The following GALNT2 variants were observed in gnomAD, a reference collection of about 807,000 sequenced individuals.
GALNT2 encodes UDP-GalNAc:polypeptide N-acetylgalactosaminyltransferase 2.
Under a neutral mutation model 81.4 loss-of-function variants are expected in GALNT2, and 31 were observed. That is an observed-to-expected ratio of 0.38 (90% confidence interval 0.29 to 0.51). The LOEUF (loss-of-function observed/expected upper bound fraction) is 0.51, where lower values mean the gene tolerates loss of function less well. Among genes scored for constraint, GALNT2 ranks in the 20% least tolerant of loss-of-function variants. The pLI is 0.87. For missense variants in GALNT2, 629 were observed against 765.7 expected (o/e 0.82, Z 2.11); for synonymous variants, 303 against 287.4 (o/e 1.05, Z -0.55).
chr1:230,068,681 A>G (rs1324159436), intron 1 of GALNT2, among the ~76,000 whole-genome samples: 1 of 152,154 alleles, frequency 6.6e-6, no homozygotes, highest in Non-Finnish European at 1.5e-5. Flanking sequence ...ATTCATTCAT[A>G]GCCGAAGATG....
intron 10 of GALNT2, among the ~76,000 whole-genome samples, chr1:230,253,712 A>G (rs12565801): frequency 0.073 from 11,098 of 152,186 alleles, 999 homozygotes; most frequent in East Asian, 0.37. Context: ...CCTCCTGGTT[A>G]TTTGAAACTC....
chr1:230,166,619 T>C (rs766738521), intron 1 of GALNT2, among the ~76,000 whole-genome samples: 12 of 152,252 alleles, frequency 7.9e-5, no homozygotes, highest in Non-Finnish European at 1.8e-4. Flanking sequence ...GCCTTCTTGC[T>C]GTGACCAGTG....
Position 230,243,671 on chromosome 1 carries a change from G to A in GALNT2, c.729+244G>A, listed in dbSNP as rs772906850. On this transcript the variant is annotated intron_variant, in intron 7 of 15. Transcript: ENST00000366672. This position sits in a 1 kb window ranked among gnomAD's most constrained non-coding sequence, Gnocchi z 4.2. ...AACCATCCGTTGACAGGTAGGAGGCGAGGATCAGCAGAGGCTGGTGAGAGC... is the reference window on the plus strand; with the variant it reads ...AACCATCCGTTGACAGGTAGGAGGCAAGGATCAGCAGAGGCTGGTGAGAGC... 4.6e-5 allele frequency among the ~76,000 whole-genome samples: 7 copies of A among 152,232 alleles called. No homozygotes were observed. Among genetic ancestry groups the A allele is most frequent in the Admixed American group, 6.5e-5 (1 of 15,282 alleles).
At chr1:230,167,715 G>A (rs780794933) in intron 1 of GALNT2, among the ~76,000 whole-genome samples, 24 of 152,270 alleles carry the variant, frequency 1.6e-4, no homozygotes, top group Non-Finnish European at 2.8e-4. Context: ...AGGAAGGGGC[G>A]GTGGAGCAGC....
intron 14 of GALNT2, among the ~76,000 whole-genome samples, chr1:230,266,330 T>C (rs1238219313): frequency 6.6e-6 from 1 of 152,160 alleles, no homozygotes; most frequent in Non-Finnish European, 1.5e-5. Context: ...CATGAGATAA[T>C]AATAGGAATT....
rs371931492 is a variant in GALNT2, at chr1:230,279,990, G to A, written c.*532G>A. 1.3e-5 allele frequency: 6 copies of A among 456,050 alleles called. No individual in the cohort carries two copies. Among genetic ancestry groups the A allele is most frequent in the African/African-American group, 6.0e-5 (3 of 50,072 alleles). The allele number at this position is 456,050 out of a possible 1,614,324, so 28.3% of individuals were successfully genotyped here. On this transcript the variant is annotated 3_prime_UTR_variant, in exon 16 of 16. Coordinates refer to ENST00000366672, the MANE Select transcript of GALNT2 (RefSeq NM_004481.5). This position sits in a 1 kb window ranked among gnomAD's most constrained non-coding sequence, Gnocchi z 4.6. The stretch of plus-strand genomic sequence containing the variant: ...CCTCCATTCGCAAGTGTCTTCCTGG[G>A]CCAGACTCCCCTCCACCTCATGTAC...
intron 1 of GALNT2, among the ~76,000 whole-genome samples, chr1:230,102,610 C>A (rs997050766): frequency 4.6e-5 from 7 of 151,948 alleles, no homozygotes; most frequent in African/African-American, 1.5e-4. Flanking sequence ...GGAAATTGTT[C>A]ATTGATTTGA....
At chr1:230,072,098 A>G in intron 1 of GALNT2, among the ~76,000 whole-genome samples, 1 of 151,952 alleles carries the variant, frequency 6.6e-6, no homozygotes. Context: ...TCCTGTTTGG[A>G]TGAATGATGG....
intron 3 of GALNT2, among the ~76,000 whole-genome samples, chr1:230,210,535 C>T (rs1323708180): frequency 6.6e-6 from 1 of 152,232 alleles, no homozygotes; most frequent in Non-Finnish European, 1.5e-5. Context: ...CATTTCCCTA[C>T]AAAGGAACCT....
At chr1:230,206,631 T>C (rs184009752) in intron 3 of GALNT2, among the ~76,000 whole-genome samples, 5 of 152,370 alleles carry the variant, frequency 3.3e-5, no homozygotes, top group South Asian at 4.1e-4. Context: ...TTGACCTTTC[T>C]GTATAAAATG....
In GALNT2 at chr1:230,201,813, G is replaced by A. The variant is rs575381373; in HGVS notation, c.221-1324G>A. ...TTGCACTGCGGTGCCCTATTCTCCC[G>A]GAGAGTTGCATGCCCACACCCTGCC... On this transcript the variant is annotated intron_variant, in intron 2 of 15. Transcript: ENST00000366672. 3.9e-5 allele frequency among the ~76,000 whole-genome samples: 6 copies of A among 152,224 alleles called. No individual in the cohort carries two copies. The South Asian group carries it at 6.2e-4, about 16-fold the overall frequency.
rs74143167 is a variant in GALNT2 at position 230,279,608 on chromosome 1, G to A, written c.*150G>A. The A allele has an allele frequency of 6.5e-4, 638 of 974,838 alleles. 6 individuals carry two copies. In the African/African-American group the frequency reaches 9.6e-3, roughly 15 times the overall value. The allele number at this position is 974,838 out of a possible 1,614,324, so 60.4% of individuals were successfully genotyped here. A position where few individuals can be genotyped will look rare whatever the true frequency, so the allele number is the denominator to read the frequency against. On this transcript the variant is annotated 3_prime_UTR_variant, in exon 16 of 16. Coordinates refer to ENST00000366672, the MANE Select transcript of GALNT2 (RefSeq NM_004481.5). This position sits in a 1 kb window ranked among gnomAD's most constrained non-coding sequence, Gnocchi z 4.6. ...TGAAAGTCAAACTTCGGCAAGGCAC[G>A]GACGACTGTGCAGACACAGCAGCGG...
intron 3 of GALNT2, among the ~76,000 whole-genome samples, chr1:230,208,073 ATCT>A (rs753047323): frequency 1.3e-5 from 2 of 152,352 alleles, no homozygotes; most frequent in East Asian, 3.9e-4. Context: ...TAAAAAAATA[ATCT>A]TCTTGCTTGG....
At chr1:230,060,609 A>G (rs998956037) in intron 1 of GALNT2, among the ~76,000 whole-genome samples, 5 of 152,004 alleles carry the variant, frequency 3.3e-5, no homozygotes, top group African/African-American at 7.3e-5. Flanking sequence ...AAGACCTTGT[A>G]AATCTCCTCC....
chr1:230,158,446 A>G (rs1407975289), intron 1 of GALNT2, among the ~76,000 whole-genome samples: 1 of 152,252 alleles, frequency 6.6e-6, no homozygotes, highest in African/African-American at 2.4e-5. Flanking sequence ...AAAGCTAAAC[A>G]TAGAAGTAAG....
At chr1:230,239,140 G>A (rs1047062975) in intron 6 of GALNT2, among the ~76,000 whole-genome samples, 3 of 151,860 alleles carry the variant, frequency 2.0e-5, no homozygotes, top group Non-Finnish European at 4.4e-5. Flanking sequence ...TTTACTGTTT[G>A]TCGGATTAGT....
chr1:230,221,466 T>TTTTGAA (rs1664544621), intron 3 of GALNT2, among the ~76,000 whole-genome samples: 1 of 152,240 alleles, frequency 6.6e-6, no homozygotes, highest in Non-Finnish European at 1.5e-5. Flanking sequence ...CTGCTTTATT[T>TTTTGAA]TAGGTTTTGA....
chr1:230,201,774 C>T (rs1009208741), intron 2 of GALNT2, among the ~76,000 whole-genome samples: 1 of 152,168 alleles, frequency 6.6e-6, no homozygotes, highest in African/African-American at 2.4e-5. Context: ...ATGCTCATGT[C>T]GACACTAGGA....
intron 1 of GALNT2, among the ~76,000 whole-genome samples, chr1:230,172,267 C>T (rs1274166809): frequency 1.3e-5 from 2 of 152,170 alleles, no homozygotes; most frequent in Non-Finnish European, 2.9e-5. Context: ...CTTGGGAGGA[C>T]ACTTAAGCAG....
Sources: gnomAD v4.1 joint callset for allele counts (sites outside exome capture counted in the v4.1 genomes callset) on GRCh38, gnomAD v4.1.1 for gene constraint, Gnocchi (gnomAD v3.1) non-coding constraint, MANE v1.5 for transcripts, NCBI Gene and HGNC (gene_info 2026-07-23, HGNC 2026-07-21) for gene names.